TNNI3K: variants seen among roughly 807,000 people sequenced by gnomAD.
The protein encoded by TNNI3K is serine/threonine-protein kinase TNNI3K.
In TNNI3K, 140 loss-of-function variants were observed where a neutral mutation model predicts 114.5. The ratio of observed to expected loss-of-function variants is 1.22; its 90% CI spans 1.07 to 1.41. The LOEUF (loss-of-function observed/expected upper bound fraction) is 1.41. Ranked by LOEUF, TNNI3K falls within the 40% of genes most tolerant of loss-of-function variation. TNNI3K has a pLI of 0.00. For missense variants in TNNI3K, 1,125 were observed against 1,007.6 expected, an observed-to-expected ratio of 1.12 and a Z score of -1.58; for synonymous variants, 347 against 347.5, an observed-to-expected ratio of 1.00 and a Z score of 0.02.
At chr1:74,368,239 A>G (rs1662383796) in intron 13 of TNNI3K, among the ~76,000 whole-genome samples, 1 of 151,832 alleles carries the variant, frequency 6.6e-6, no homozygotes, top group South Asian at 2.1e-4. Context: ...ATAAAAATGA[A>G]TTATAAATAT....
rs112618918 is a variant in TNNI3K at position 74,492,557 on chromosome 1, G to A, written c.2351+291G>A. ...AAAAGTATTCTGAAGCTATTTTATG[G>A]CATCCAAGCAAGAATTCCTGTGTGG... On this transcript the variant is annotated intron_variant, in intron 23 of 24. Transcript: ENST00000326637. Among the ~76,000 whole-genome samples the A allele has an allele frequency of 6.0e-3, 910 of 152,234 alleles. 13 individuals are homozygous for A. Among genetic ancestry groups the A allele is most frequent in the African/African-American group, 0.02 (845 of 41,534 alleles).
At chr1:74,481,035 G>A in intron 21 of TNNI3K, 1 of 635,446 alleles carries the variant, frequency 1.6e-6, no homozygotes, top group African/African-American at 1.8e-5. Context: ...GTATGGTGGA[G>A]AGCAGAGAAT....
At chr1:74,265,211 A>C (rs1055333869) in intron 4 of TNNI3K, among the ~76,000 whole-genome samples, 1 of 152,068 alleles carries the variant, frequency 6.6e-6, no homozygotes, top group African/African-American at 2.4e-5. Context: ...ATGTAGGAGT[A>C]CAAGAGGTTT....
At chr1:74,540,663 T>G (rs1646716171) in intron 24 of TNNI3K, among the ~76,000 whole-genome samples, 2 of 152,018 alleles carry the variant, frequency 1.3e-5, no homozygotes, top group Non-Finnish European at 2.9e-5. Context: ...GTCAACATTT[T>G]ATTAAGTCCG....
intron 23 of TNNI3K, among the ~76,000 whole-genome samples, chr1:74,497,906 T>G (rs936905920): frequency 3.9e-5 from 6 of 152,186 alleles, no homozygotes; most frequent in African/African-American, 1.4e-4. Context: ...TACGTTCCAG[T>G]GGTTCTAAAC....
At chr1:74,480,342 T>C (rs770016912) in intron 21 of TNNI3K, 12 of 717,628 alleles carry the variant, frequency 1.7e-5, no homozygotes, top group South Asian at 1.2e-4. Context: ...TTCCTGAGCG[T>C]GTGAGCAGAA....
At chr1:74,384,880 T>C (rs1663393607) in intron 17 of TNNI3K, among the ~76,000 whole-genome samples, 1 of 152,222 alleles carries the variant, frequency 6.6e-6, no homozygotes, top group Admixed American at 6.5e-5. Context: ...TTTTAATTTT[T>C]AGCTGACCCA....
Position 74,433,061 on chromosome 1 carries a change from C to G in TNNI3K, c.1773-3019C>G, listed in dbSNP as rs1665969196. Among the ~76,000 whole-genome samples the G allele has an allele frequency of 2.0e-5, 3 of 146,858 alleles. No homozygotes were observed. In the South Asian group the frequency reaches 6.9e-4, roughly 34 times the overall value. The stretch of plus-strand genomic sequence containing the variant: ...GACCCTCACTCAATTTTACTCCCTT[C>G]TCTCTGCACTGCCACCATCTCTGTC... On this transcript the variant is annotated intron_variant, in intron 17 of 24. Transcript: ENST00000326637.
Position 74,369,540 on chromosome 1 carries a change from A to G in TNNI3K, c.1622A>G (p.Tyr541Cys). ...AGCCAGTTTGCCATTGTCACTCAAT[A>G]CATATCAGGGGGTTCTCTGTTCTCC... ...DPSQFAIVTQ[Y>C]ISGGSLFSLL... is the part of the protein sequence containing the mutation. The change falls in exon 16 of 25, where the codon TAC becomes TGC. Residue 541 changes from tyrosine to cysteine, a missense_variant. Transcript: ENST00000326637. 6.2e-7 allele frequency: 1 copy of G among 1,612,418 alleles called. No homozygotes were observed. The highest frequency in any genetic ancestry group is 8.5e-7 in the Non-Finnish European group (1 of 1,178,972).
At chr1:74,446,772 T>A (rs963635224) in intron 20 of TNNI3K, among the ~76,000 whole-genome samples, 11 of 146,066 alleles carry the variant, frequency 7.5e-5, no homozygotes, top group Non-Finnish European at 1.0e-4. Flanking sequence ...TAGCCAGTTT[T>A]CCCAGCACCA....
chr1:74,514,004 G>T (rs1368364909), intron 23 of TNNI3K, among the ~76,000 whole-genome samples: 1 of 152,154 alleles, frequency 6.6e-6, no homozygotes, highest in Non-Finnish European at 1.5e-5. Flanking sequence ...TACAGTGCCT[G>T]CCTCTCTCTC....
chr1:74,392,786 G>A (rs186877182), intron 17 of TNNI3K, among the ~76,000 whole-genome samples: 195 of 152,238 alleles, frequency 1.3e-3, no homozygotes, highest in Non-Finnish European at 2.4e-3. Flanking sequence ...TTTTTGAAAC[G>A]AATGAATGAA....
At chr1:74,303,047 C>T (rs1658420258) in intron 5 of TNNI3K, among the ~76,000 whole-genome samples, 1 of 152,124 alleles carries the variant, frequency 6.6e-6, no homozygotes, top group Admixed American at 6.5e-5. Flanking sequence ...GGTGACTTTA[C>T]CTAGAAGTGA....
chr1:74,505,215 A>T (rs1318180377), intron 23 of TNNI3K, among the ~76,000 whole-genome samples: 2 of 152,164 alleles, frequency 1.3e-5, no homozygotes, highest in African/African-American at 2.4e-5. Flanking sequence ...TGCTTTTGAG[A>T]CTGCTTCTGC....
intron 5 of TNNI3K, among the ~76,000 whole-genome samples, chr1:74,298,107 T>A (rs576613553): frequency 1.7e-4 from 26 of 152,198 alleles, no homozygotes; most frequent in Non-Finnish European, 3.4e-4. Context: ...TGAATGAGGA[T>A]CCACAGTTTA....
intron 17 of TNNI3K, among the ~76,000 whole-genome samples, chr1:74,430,367 C>A (rs1439787060): frequency 2.0e-5 from 3 of 152,042 alleles, no homozygotes; most frequent in African/African-American, 7.2e-5. Context: ...GGAAAATTTT[C>A]TTTTGTAGAA....
intron 17 of TNNI3K, among the ~76,000 whole-genome samples, chr1:74,401,001 G>A (rs186852905): frequency 1.2e-3 from 188 of 152,296 alleles, no homozygotes; most frequent in Admixed American, 4.7e-3. Flanking sequence ...GGGATGTCAA[G>A]AATATTGGAA....
intron 17 of TNNI3K, among the ~76,000 whole-genome samples, chr1:74,412,185 A>G (rs1308732984): frequency 6.6e-6 from 1 of 152,106 alleles, no homozygotes; most frequent in Non-Finnish European, 1.5e-5. Context: ...ACATCTAATT[A>G]AATCTCTGAT....
At chr1:74,500,951 A>G (rs74825940) in intron 23 of TNNI3K, among the ~76,000 whole-genome samples, 2 of 152,158 alleles carry the variant, frequency 1.3e-5, no homozygotes. Context: ...ATATAAATTT[A>G]TGTTTATTTA....
Sources: gnomAD v4.1 joint callset for allele counts (sites outside exome capture counted in the v4.1 genomes callset) on GRCh38, gnomAD v4.1.1 for gene constraint, MANE v1.5 for transcripts, NCBI Gene and HGNC (gene_info 2026-07-23, HGNC 2026-07-21) for gene names.